SCAPER: variants seen among roughly 807,000 people sequenced by gnomAD.
SCAPER encodes S phase cyclin A-associated protein in the endoplasmic reticulum.
A neutral mutation model predicts 182.2 loss-of-function variants in SCAPER; 98 were observed. The observed-to-expected ratio is 0.54, with a 90% CI of 0.46 to 0.64. The LOEUF (loss-of-function observed/expected upper bound fraction) is 0.64, where lower values mean the gene tolerates loss of function less well. Ranked by LOEUF, SCAPER falls within the 30% of genes least tolerant of loss-of-function variation. SCAPER has a pLI of 0.00. For missense variants in SCAPER, 1,432 were observed against 1,690.0 expected, an observed-to-expected ratio of 0.85 and a Z score of 2.68; for synonymous variants, 605 against 564.6, an observed-to-expected ratio of 1.07 and a Z score of -1.01.
Position 76,727,629 on chromosome 15 carries a change from T to C in SCAPER, c.2165+966A>G, listed in dbSNP as rs1179894190. Among the ~76,000 whole-genome samples, 4 of 152,160 alleles carry C rather than the reference T, an allele frequency of 2.6e-5. 1 individual carries two copies. In the South Asian group the frequency reaches 8.3e-4, roughly 32 times the overall value. ...CTATAAAAGATAAAACTATAAAATTTTGAAGAATGTCTTATGACTTAGGAT... is the reference window on the plus strand; with the variant it reads ...CTATAAAAGATAAAACTATAAAATTCTGAAGAATGTCTTATGACTTAGGAT... On this transcript the variant is annotated intron_variant, in intron 17 of 31. Transcript: ENST00000563290.
At chr15:76,351,384 T>A in intron 30 of SCAPER, 96 bp from the exon 31 acceptor site, 1 of 1,030,230 alleles carries the variant, frequency 9.7e-7, no homozygotes. Flanking sequence ...ATGCAACCAC[T>A]TTTGTATGAA....
chr15:76,804,650 A>T lies in SCAPER; in HGVS notation c.394-17T>A, dbSNP rs1267002703. Reference sequence around the variant, plus strand: ...TAGCACCTCCTAAAAGAAACAAAACAAAAAAAAATTAAATTCCAGTCTGAG... The same window carrying T: ...TAGCACCTCCTAAAAGAAACAAAACTAAAAAAAATTAAATTCCAGTCTGAG... On this transcript the variant is annotated splice_polypyrimidine_tract_variant and intron_variant, in intron 5 of 31. Transcript: ENST00000563290. The T allele has an allele frequency of 7.0e-7, 1 of 1,437,778 alleles. No individual in the cohort carries two copies. Among genetic ancestry groups the T allele is most frequent in the South Asian group, 1.3e-5 (1 of 76,604 alleles). The allele number at this position is 1,437,778 out of a possible 1,614,324, so 89.1% of individuals were successfully genotyped here.
intron 5 of SCAPER, among the ~76,000 whole-genome samples, chr15:76,834,960 T>C (rs2068805696): frequency 6.6e-6 from 1 of 152,042 alleles, no homozygotes; most frequent in Non-Finnish European, 1.5e-5. Flanking sequence ...ACAGCGGAAT[T>C]CCATCAGATA....
At position 76,595,463 on chromosome 15, in the gene SCAPER, C is replaced by G. The variant is rs1461044785; in HGVS notation, c.2712-21179G>C. Among the ~76,000 whole-genome samples, 2 of 121,358 alleles carry G rather than the reference C, an allele frequency of 1.6e-5. 1 individual carries two copies. The highest frequency in any genetic ancestry group is 4.0e-5 in the Non-Finnish European group (2 of 49,996). 79.6% of individuals were successfully genotyped at this position (121,358 alleles called of 152,430 possible). A position where few individuals can be genotyped will look rare whatever the true frequency, so the allele number is the denominator to read the frequency against. On this transcript the variant is annotated intron_variant, in intron 22 of 31. Coordinates refer to ENST00000563290, the MANE Select transcript of SCAPER (RefSeq NM_020843.4). ...TGAACTTGGCTCTGGACTAAGTGGA[C>G]CAAATAGACATCTACAGAACTCTCC...
chr15:76,446,990 T>G (rs976483691), intron 25 of SCAPER, among the ~76,000 whole-genome samples: 2 of 152,196 alleles, frequency 1.3e-5, no homozygotes, highest in Non-Finnish European at 2.9e-5. Flanking sequence ...TAGCTAATTC[T>G]GCCCAACTAT....
At chr15:76,416,112 A>G (rs1433041689) in intron 26 of SCAPER, among the ~76,000 whole-genome samples, 5 of 152,128 alleles carry the variant, frequency 3.3e-5, no homozygotes, top group Non-Finnish European at 4.4e-5. Context: ...GTACATAAGG[A>G]AGCAACTTAC....
At chr15:76,414,713 A>G (rs1008582294) in intron 26 of SCAPER, among the ~76,000 whole-genome samples, 2 of 151,098 alleles carry the variant, frequency 1.3e-5, no homozygotes, top group East Asian at 1.9e-4. Context: ...TCTGAAAGAC[A>G]TAACAGTCTA....
intron 5 of SCAPER, among the ~76,000 whole-genome samples, chr15:76,830,452 T>C (rs1203096039): frequency 1.9e-4 from 29 of 152,172 alleles, no homozygotes; most frequent in Admixed American, 1.8e-3. Context: ...ACTTGTAATC[T>C]AAGCATTTTA....
intron 20 of SCAPER, among the ~76,000 whole-genome samples, chr15:76,667,119 C>T (rs1401621624): frequency 1.3e-5 from 2 of 152,190 alleles, no homozygotes; most frequent in African/African-American, 4.8e-5. Context: ...CGCTCCCAAA[C>T]TCATTTTAGT....
chr15:76,619,094 C>T (rs1286751189), intron 22 of SCAPER, among the ~76,000 whole-genome samples: 5 of 152,224 alleles, frequency 3.3e-5, no homozygotes. Context: ...ATCCACCTGC[C>T]TCACATTCCC....
At chr15:76,555,334 A>G (rs571137372) in intron 23 of SCAPER, among the ~76,000 whole-genome samples, 20 of 152,216 alleles carry the variant, frequency 1.3e-4, no homozygotes, top group Non-Finnish European at 2.5e-4. Flanking sequence ...TTGAGTATGC[A>G]TAATAACTAG....
At chr15:76,407,374 T>C (rs1487272125) in intron 26 of SCAPER, among the ~76,000 whole-genome samples, 1 of 152,218 alleles carries the variant, frequency 6.6e-6, no homozygotes, top group African/African-American at 2.4e-5. Context: ...CCATTGTATA[T>C]GTGGTCTGTT....
At chr15:76,669,958 T>C (rs1171690798) in intron 20 of SCAPER, among the ~76,000 whole-genome samples, 1 of 152,148 alleles carries the variant, frequency 6.6e-6, no homozygotes, top group East Asian at 1.9e-4. Flanking sequence ...ACAAATGCAG[T>C]CACTAAACAA....
At chr15:76,711,779 G>C (rs1454190329) in intron 17 of SCAPER, among the ~76,000 whole-genome samples, 1 of 151,948 alleles carries the variant, frequency 6.6e-6, no homozygotes, top group African/African-American at 2.4e-5. Context: ...TTTTTTGATG[G>C]GGTTGTTTGT....
At chr15:76,507,168 C>A (rs2041655923) in intron 23 of SCAPER, among the ~76,000 whole-genome samples, 2 of 152,016 alleles carry the variant, frequency 1.3e-5, no homozygotes, top group South Asian at 2.1e-4. Context: ...AAAAGTGAGG[C>A]CGTTAGAGTA....
chr15:76,505,929 T>A (rs188495731), intron 23 of SCAPER, among the ~76,000 whole-genome samples: 3 of 152,268 alleles, frequency 2.0e-5, no homozygotes, highest in East Asian at 3.9e-4. Context: ...AGGAATGAGA[T>A]CCTGTTATTT....
intron 23 of SCAPER, among the ~76,000 whole-genome samples, chr15:76,569,709 T>C (rs2047299766): frequency 6.6e-6 from 1 of 152,050 alleles, no homozygotes; most frequent in African/African-American, 2.4e-5. Context: ...CTTTTTATAC[T>C]CTTCTTTTCA....
chr15:76,894,000 C>G (rs1488120803), intron 1 of SCAPER, among the ~76,000 whole-genome samples: 1 of 152,216 alleles, frequency 6.6e-6, no homozygotes, highest in African/African-American at 2.4e-5. Flanking sequence ...CCTGTAATCC[C>G]AGCCCTTTGG....
intron 24 of SCAPER, among the ~76,000 whole-genome samples, chr15:76,473,923 C>T (rs963140097): frequency 6.6e-6 from 1 of 152,134 alleles, no homozygotes. Flanking sequence ...CCACCTCAGC[C>T]TCCCAAGGAG....
Sources: gnomAD v4.1 joint callset for allele counts (sites outside exome capture counted in the v4.1 genomes callset) on GRCh38, gnomAD v4.1.1 for gene constraint, MANE v1.5 for transcripts, NCBI Gene and HGNC (gene_info 2026-07-23, HGNC 2026-07-21) for gene names.